CATSPER2: variants seen among roughly 807,000 people sequenced by gnomAD.
CATSPER2 encodes the protein cation channel sperm-associated protein 2.
In CATSPER2, 56 loss-of-function variants were observed where a neutral mutation model predicts 68.8. That is an observed-to-expected ratio of 0.81 (90% confidence interval 0.66 to 1.02). The LOEUF is 1.02. Among genes scored for constraint, CATSPER2 ranks in the 50% least tolerant of loss-of-function variants. The probability of loss-of-function intolerance (pLI) is 0.00; values close to 1 mark genes in which losing one functional copy is unlikely to be tolerated. For synonymous variants in CATSPER2, 198 were observed against 229.9 expected, an observed-to-expected ratio of 0.86 and a Z score of 1.26; for missense variants, 582 against 642.0, an observed-to-expected ratio of 0.91 and a Z score of 1.01.
At chr15:43,631,079 T>A (rs1352766735) in intron 12 of CATSPER2, among the ~76,000 whole-genome samples, 1 of 151,972 alleles carries the variant, frequency 6.6e-6, no homozygotes, top group Non-Finnish European at 1.5e-5. Flanking sequence ...TCCAATATTA[T>A]AAATTCCTCA....
Position 43,636,022 on chromosome 15 carries a change from T to C in CATSPER2, c.1021+19A>G, listed in dbSNP as rs2085956937. The stretch of plus-strand genomic sequence containing the variant: ...CCCAACCACACTTCCCAAACAAGTT[T>C]CACCTCCTCTATGCTTACCCATCAT... On this transcript the variant is annotated intron_variant, in intron 8 of 12. Coordinates refer to ENST00000396879, the MANE Select transcript of CATSPER2 (RefSeq NM_172095.4). 1 of 1,506,630 alleles carries C rather than the reference T, an allele frequency of 6.6e-7. No homozygotes were observed. The highest frequency in any genetic ancestry group is 9.2e-7 in the Non-Finnish European group (1 of 1,091,024). 93.3% of individuals were successfully genotyped at this position (1,506,630 alleles called of 1,614,324 possible).
chr15:43,634,436 G>A (rs995597706), intron 10 of CATSPER2: 10 of 151,752 alleles, frequency 6.6e-5, no homozygotes, highest in Non-Finnish European at 1.0e-4. Flanking sequence ...GTTTAGTCTC[G>A]AACTCCTGAG....
chr15:43,632,809 G>A lies in CATSPER2; in HGVS notation c.1304C>T (p.Ser435Leu). The A allele has an allele frequency of 1.2e-6, 2 of 1,613,618 alleles. No homozygotes were observed. Among genetic ancestry groups the A allele is most frequent in the Non-Finnish European group, 1.7e-6 (2 of 1,179,786 alleles). The change falls in exon 11 of 13, where the codon TCA (serine) becomes TTA (leucine). Residue 435 changes from serine (S) to leucine (L), a missense_variant. Coordinates refer to ENST00000396879, the MANE Select transcript of CATSPER2 (RefSeq NM_172095.4). Reference sequence around the variant, plus strand: ...GGAAGACTGGTACTCTCTCTTTTTTGACAAGGTCTCTTCTGTTTTTGATGC... The same window carrying A: ...GGAAGACTGGTACTCTCTCTTTTTTAACAAGGTCTCTTCTGTTTTTGATGC... ...TSASKTEETL[S>L]KKREYQSSSC...
Position 43,648,662 on chromosome 15 carries a change from T to C in CATSPER2, c.-36A>G. The stretch of plus-strand genomic sequence containing the variant: ...AGGTTCTCTTTGCCCACTCAGTCCT[T>C]ATTTCACGCTTCCGCCTCCAGCTCA... On this transcript the variant is annotated 5_prime_UTR_variant, in exon 1 of 13. It adds an upstream start codon to the 5' untranslated region. Transcript: ENST00000396879. 3.5e-6 allele frequency: 5 copies of C among 1,419,012 alleles called. No individual in the cohort carries two copies. Among genetic ancestry groups the C allele is most frequent in the Non-Finnish European group, 4.6e-6 (5 of 1,090,308 alleles). 87.9% of individuals were successfully genotyped at this position (1,419,012 alleles called of 1,614,324 possible).
At position 43,647,277 on chromosome 15, in the gene CATSPER2, G is replaced by C. The variant is rs374455420; in HGVS notation, c.319+17C>G. On this transcript the variant is annotated intron_variant, in intron 3 of 12. Transcript: ENST00000396879. ...TGATCAACAGCCAGGATAAAAATGA[G>C]TGACATGAAAGGATACACTCAAGGA... 5 of 1,602,632 alleles carry C rather than the reference G, an allele frequency of 3.1e-6. No homozygotes were observed. The highest frequency in any genetic ancestry group is 3.4e-6 in the Non-Finnish European group (4 of 1,169,926).
In CATSPER2 at chr15:43,629,747, C is replaced by T. The variant is rs1482000177; in HGVS notation, c.*954G>A. 1.3e-5 allele frequency: 2 copies of T among 151,552 alleles called. No individual in the cohort carries two copies. The highest frequency in any genetic ancestry group is 4.9e-5 in the African/African-American group (2 of 41,112). 9.4% of individuals were successfully genotyped at this position (151,552 alleles called of 1,614,324 possible). A position where few individuals can be genotyped will look rare whatever the true frequency, so the allele number is the denominator to read the frequency against. ...TCCCTTCTAACACTAAAAACCTGTA[C>T]AACACTTACTGATTTGAACACTGCC... On this transcript the variant is annotated 3_prime_UTR_variant, in exon 13 of 13. Transcript: ENST00000396879.
At position 43,630,604 on chromosome 15, in the gene CATSPER2, T is replaced by C; in HGVS notation, c.*97A>G. 1 of 1,607,524 alleles carries C rather than the reference T, an allele frequency of 6.2e-7. No homozygotes were observed. On this transcript the variant is annotated 3_prime_UTR_variant, in exon 13 of 13. Coordinates refer to ENST00000396879, the MANE Select transcript of CATSPER2 (RefSeq NM_172095.4). Reference sequence around the variant, plus strand: ...CTTTTTAATTTTAATGAACAGACATTGTTCTATCTGAATGTTTATATTTTC... The same window carrying C: ...CTTTTTAATTTTAATGAACAGACATCGTTCTATCTGAATGTTTATATTTTC...
At chr15:43,637,733 G>A (rs1032418254) in intron 7 of CATSPER2, 25 of 151,890 alleles carry the variant, frequency 1.6e-4, no homozygotes, top group Non-Finnish European at 3.2e-4. Flanking sequence ...CTGCCGAAGT[G>A]AGCACTGATT....
intron 7 of CATSPER2, 63 bp from the exon 8 acceptor site, chr15:43,636,282 T>C: frequency 3.2e-6 from 5 of 1,573,148 alleles, no homozygotes; most frequent in Middle Eastern, 1.7e-4. Flanking sequence ...AATGGTACCA[T>C]TCTTACTTTT....
chr15:43,648,046 G>A lies in CATSPER2; in HGVS notation c.16C>T (p.Gln6Ter). 6.2e-7 allele frequency: 1 copy of A among 1,613,666 alleles called. No homozygotes were observed. The highest frequency in any genetic ancestry group is 8.5e-7 in the Non-Finnish European group (1 of 1,179,736). MAAYQ[Q>*]EEQMQLPRAD... is the part of the protein sequence containing the mutation. Reference sequence around the variant, plus strand: ...CGGGGAAGCTGCATCTGCTCTTCTTGTTGGTAAGCGGCCATGTCTGCTAAG... The same window carrying A: ...CGGGGAAGCTGCATCTGCTCTTCTTATTGGTAAGCGGCCATGTCTGCTAAG... The change falls in exon 2 of 13, where the codon CAA (glutamine) becomes TAA (stop). Residue 6 changes from glutamine (Q) to a stop codon, truncating the protein, a stop_gained. Coordinates refer to ENST00000396879, the MANE Select transcript of CATSPER2 (RefSeq NM_172095.4). LOFTEE classifies it high-confidence loss of function.
rs530526029 is a variant in CATSPER2 at position 43,647,876 on chromosome 15, G to A, written c.145+41C>T. 146 of 1,602,504 alleles carry A rather than the reference G, an allele frequency of 9.1e-5. 4 individuals carry two copies. In the South Asian group the frequency reaches 1.6e-3, roughly 17 times the overall value. Reference sequence around the variant, plus strand: ...CTCTTAAATGTAGAGGATGTGGATAGGAGTCTTAAATTTAAATTAGTGAAG... The same window carrying A: ...CTCTTAAATGTAGAGGATGTGGATAAGAGTCTTAAATTTAAATTAGTGAAG... On this transcript the variant is annotated intron_variant, in intron 2 of 12. Transcript: ENST00000396879.
chr15:43,648,722 A>G lies in CATSPER2; in HGVS notation c.-96T>C. The G allele has an allele frequency of 6.7e-7, 1 of 1,501,008 alleles. No individual in the cohort carries two copies. The highest frequency in any genetic ancestry group is 1.2e-5 in the South Asian group (1 of 80,746). 93.0% of individuals were successfully genotyped at this position (1,501,008 alleles called of 1,614,324 possible). On this transcript the variant is annotated 5_prime_UTR_variant, in exon 1 of 13. Transcript: ENST00000396879. ...AGCCTGGCTACCCCTATGCAAGACG[A>G]GCTCAGGGCCGGCTCCCAGCCTCAC... is the stretch of plus-strand genomic sequence containing the variant.
chr15:43,633,040 A>C (rs1392718178), intron 10 of CATSPER2, 106 bp from the exon 11 acceptor site: 1 of 852,704 alleles, frequency 1.2e-6, no homozygotes, highest in African/African-American at 1.7e-5. Context: ...GGCATAAGAC[A>C]ATGAGGGCCA....
chr15:43,630,538 G>C lies in CATSPER2; in HGVS notation c.*163C>G. 1 of 1,475,582 alleles carries C rather than the reference G, an allele frequency of 6.8e-7. No individual in the cohort carries two copies. The highest frequency in any genetic ancestry group is 1.2e-5 in the South Asian group (1 of 80,470). The allele number at this position is 1,475,582 out of a possible 1,614,324, so 91.4% of individuals were successfully genotyped here. On this transcript the variant is annotated 3_prime_UTR_variant, in exon 13 of 13. Coordinates refer to ENST00000396879, the MANE Select transcript of CATSPER2 (RefSeq NM_172095.4). ...CCCAGCTAATTTTTTTGTATTTTTA[G>C]TAGAGACAGGGTTTCACCACGCCTG... is the stretch of plus-strand genomic sequence containing the variant.
intron 4 of CATSPER2, chr15:43,642,320 C>T (rs933872758): frequency 2.0e-5 from 3 of 151,810 alleles, no homozygotes; most frequent in South Asian, 2.1e-4. Context: ...GGATGGTCTC[C>T]ATCTCTAGAC....
At chr15:43,637,532 G>C (rs189286348) in intron 7 of CATSPER2, 1 of 151,934 alleles carries the variant, frequency 6.6e-6, no homozygotes, top group African/African-American at 2.4e-5. Flanking sequence ...AGTGCTGAGA[G>C]GCACTGACAA....
chr15:43,642,387 T>C (rs1301669146), intron 4 of CATSPER2: 2 of 151,226 alleles, frequency 1.3e-5, no homozygotes, highest in East Asian at 3.9e-4. Flanking sequence ...CAACCAGCGA[T>C]GTGTCCCAGT....
chr15:43,647,401 G>A lies in CATSPER2; in HGVS notation c.212C>T (p.Pro71Leu). 1 of 1,613,484 alleles carries A rather than the reference G, an allele frequency of 6.2e-7. No homozygotes were observed. Among genetic ancestry groups the A allele is most frequent in the Non-Finnish European group, 8.5e-7 (1 of 1,179,606 alleles). ...QHQLVRFSIKPQRIEQISHAQ... is the reference protein window; with the variant it reads ...QHQLVRFSIKLQRIEQISHAQ... ...ATGTGAAATCTGTTCTATACGCTGA[G>A]GCTTTATAGAGAAACGCACTAGCTG... Residue 71 changes from proline (P) to leucine (L), a missense_variant, in exon 3 of 13, where the codon CCT becomes CTT. Around this residue, in one of 5 missense-constraint regions of CATSPER2, gnomAD observed 197 missense variants for 191.0 expected, o/e 1.03. Transcript: ENST00000396879.
At chr15:43,647,837 C>T in intron 2 of CATSPER2, 80 bp downstream of exon 2, 1 of 1,508,834 alleles carries the variant, frequency 6.6e-7, no homozygotes, top group Non-Finnish European at 9.2e-7. Flanking sequence ...ACTAAACCTC[C>T]CCAGAATTTT....
Sources: gnomAD v4.1 joint callset for allele counts (sites outside exome capture counted in the v4.1 genomes callset) on GRCh38, gnomAD v4.1.1 for gene constraint, gnomAD v4.1.1 regional missense constraint, MANE v1.5 for transcripts, NCBI Gene and HGNC (gene_info 2026-07-23, HGNC 2026-07-21) for gene names.